The following TMEM132D variants were observed in gnomAD, a reference collection of about 807,000 sequenced individuals.
TMEM132D encodes mature OL transmembrane protein.
TMEM132D carries 21 observed loss-of-function variants against 62.3 expected under a neutral mutation model. That is an observed-to-expected ratio of 0.34 (90% CI 0.24 to 0.49). The LOEUF (loss-of-function observed/expected upper bound fraction) is 0.49, where lower values mean the gene tolerates loss of function less well. Among genes scored for constraint, TMEM132D ranks in the 20% least tolerant of loss-of-function variants. The probability of loss-of-function intolerance (pLI) is 0.99; values close to 1 mark genes in which losing one functional copy is unlikely to be tolerated. For synonymous variants in TMEM132D, 621 were observed against 575.6 expected, an observed-to-expected ratio of 1.08 and a Z score of -1.13; for missense variants, 1,346 against 1,402.8, an observed-to-expected ratio of 0.96 and a Z score of 0.65.
At chr12:129,762,639 GGGCTTT>G (rs1317804036) in intron 1 of TMEM132D, among the ~76,000 whole-genome samples, 1 of 152,056 alleles carries the variant, frequency 6.6e-6, no homozygotes, top group Non-Finnish European at 1.5e-5. Context: ...GCAAACCCTT[GGGCTTT>G]CTGTCACGCA....
intron 3 of TMEM132D, among the ~76,000 whole-genome samples, chr12:129,438,806 C>A (rs951178894): frequency 6.6e-6 from 1 of 152,172 alleles, no homozygotes; most frequent in Non-Finnish European, 1.5e-5. Flanking sequence ...AATATCCCTA[C>A]ATCACCATTC....
At chr12:129,331,051 T>A (rs914807973) in intron 4 of TMEM132D, among the ~76,000 whole-genome samples, 16 of 151,936 alleles carry the variant, frequency 1.1e-4, no homozygotes, top group Admixed American at 3.3e-4. Context: ...GTGCACAGAG[T>A]AGAGGAGCCA....
chr12:129,749,059 A>G (rs893038193), intron 1 of TMEM132D, among the ~76,000 whole-genome samples: 1 of 152,220 alleles, frequency 6.6e-6, no homozygotes, highest in African/African-American at 2.4e-5. Flanking sequence ...AAGGGTGGCA[A>G]AGGGATGCTG....
At chr12:129,430,279 C>T (rs1872617507) in intron 3 of TMEM132D, among the ~76,000 whole-genome samples, 4 of 152,136 alleles carry the variant, frequency 2.6e-5, no homozygotes. Flanking sequence ...GCCATTCTAA[C>T]TGGTGTGAGA....
At chr12:129,216,179 T>G (rs1470456361) in intron 4 of TMEM132D, among the ~76,000 whole-genome samples, 1 of 152,198 alleles carries the variant, frequency 6.6e-6, no homozygotes, top group Non-Finnish European at 1.5e-5. Flanking sequence ...AATGATGGTA[T>G]GTACCTCTTG....
At chr12:129,343,541 G>A (rs565052051) in intron 3 of TMEM132D, among the ~76,000 whole-genome samples, 18 of 152,092 alleles carry the variant, frequency 1.2e-4, no homozygotes, top group Admixed American at 7.9e-4. Flanking sequence ...AAACCTGCAC[G>A]TTGTGCACAT....
rs140086067 is a variant in TMEM132D, at chr12:129,616,441, T to C, written c.968+83369A>G. 5.9e-3 allele frequency among the ~76,000 whole-genome samples: 897 copies of C among 152,284 alleles called. 10 individuals carry two copies. Among genetic ancestry groups the C allele is most frequent in the African/African-American group, 0.021 (865 of 41,548 alleles). ...TTTGCTGATATGAGAGATGACATTA[T>C]AGACTTAATTATTGATATGGTTTGG... On this transcript the variant is annotated intron_variant, in intron 2 of 8. Transcript: ENST00000422113.
intron 3 of TMEM132D, among the ~76,000 whole-genome samples, chr12:129,483,261 G>A (rs1052817726): frequency 1.3e-5 from 2 of 152,096 alleles, no homozygotes; most frequent in African/African-American, 4.8e-5. Flanking sequence ...CTAATACTGT[G>A]GTTCTCACCT....
intron 5 of TMEM132D, among the ~76,000 whole-genome samples, chr12:129,124,267 C>T (rs988349560): frequency 1.3e-5 from 2 of 152,168 alleles, no homozygotes; most frequent in Non-Finnish European, 2.9e-5. Context: ...AGACTAATCT[C>T]ACCCACATCC....
At chr12:129,481,548 A>G (rs890080391) in intron 3 of TMEM132D, among the ~76,000 whole-genome samples, 1 of 152,096 alleles carries the variant, frequency 6.6e-6, no homozygotes, top group Non-Finnish European at 1.5e-5. Context: ...AGAAGAGGAA[A>G]TGCAATTTAC....
intron 1 of TMEM132D, among the ~76,000 whole-genome samples, chr12:129,732,192 CAT>C (rs1346176353): frequency 6.6e-6 from 1 of 152,176 alleles, no homozygotes; most frequent in African/African-American, 2.4e-5. Flanking sequence ...GGGGAAGCCA[CAT>C]GTGACAATGC....
intron 3 of TMEM132D, among the ~76,000 whole-genome samples, chr12:129,499,160 G>C (rs1875049882): frequency 6.6e-6 from 1 of 152,150 alleles, no homozygotes; most frequent in Admixed American, 6.5e-5. Context: ...GGAAGAGACA[G>C]ACAATACTGA....
intron 3 of TMEM132D, among the ~76,000 whole-genome samples, chr12:129,481,569 T>C (rs778851824): frequency 1.3e-5 from 2 of 152,090 alleles, no homozygotes; most frequent in Non-Finnish European, 2.9e-5. Context: ...CAACACATAC[T>C]TGAAAAGATT....
At chr12:129,719,101 A>AAAG (rs746663305) in intron 1 of TMEM132D, among the ~76,000 whole-genome samples, 13 of 141,554 alleles carry the variant, frequency 9.2e-5, no homozygotes, top group Non-Finnish European at 1.9e-4. Flanking sequence ...AAAAAAAAAG[A>AAAG]AAAAAAGCTG....
intron 3 of TMEM132D, among the ~76,000 whole-genome samples, chr12:129,410,357 G>GTT (rs72196505): frequency 5.0e-4 from 76 of 151,816 alleles, no homozygotes; most frequent in Non-Finnish European, 9.9e-4. Context: ...GGTTTTGTTT[G>GTT]TTTGTTTGTT....
chr12:129,842,009 C>T (rs1258729641), intron 1 of TMEM132D, among the ~76,000 whole-genome samples: 2 of 149,562 alleles, frequency 1.3e-5, no homozygotes, highest in Non-Finnish European at 3.0e-5. Flanking sequence ...CGGCTCACTG[C>T]AAGCTCTGCC....
intron 3 of TMEM132D, among the ~76,000 whole-genome samples, chr12:129,470,005 G>A (rs1449317014): frequency 6.6e-6 from 1 of 152,096 alleles, no homozygotes; most frequent in Non-Finnish European, 1.5e-5. Flanking sequence ...TTTTCCAGAG[G>A]GATGAAATAT....
intron 2 of TMEM132D, among the ~76,000 whole-genome samples, chr12:129,554,736 G>C (rs962864451): frequency 1.3e-5 from 2 of 152,116 alleles, no homozygotes; most frequent in African/African-American, 4.8e-5. Context: ...CTGCTTTCAT[G>C]GGGAATCACA....
intron 3 of TMEM132D, among the ~76,000 whole-genome samples, chr12:129,499,092 A>G (rs202227368): frequency 1.3e-5 from 2 of 152,228 alleles, no homozygotes; most frequent in African/African-American, 2.4e-5. Flanking sequence ...AGCTGGAACT[A>G]GTATAGGAAG....
Sources: allele counts gnomAD v4.1 joint callset (sites outside exome capture counted in the v4.1 genomes callset), GRCh38; gene constraint gnomAD v4.1.1; transcripts MANE v1.5; gene names NCBI Gene and HGNC (gene_info 2026-07-23, HGNC 2026-07-21).